Variants in PHC2 observed in about 807,000 individuals in gnomAD.
PHC2 encodes polyhomeotic-like protein 2.
Under a neutral mutation model 87.4 loss-of-function variants are expected in PHC2, and 29 were observed. That is an observed-to-expected ratio of 0.33 (90% CI 0.25 to 0.45). The LOEUF (loss-of-function observed/expected upper bound fraction) is 0.45, where lower values mean the gene tolerates loss of function less well. PHC2 is among the 20% of genes least tolerant of loss of function. The probability of loss-of-function intolerance (pLI) is 1.00; values close to 1 mark genes in which losing one functional copy is unlikely to be tolerated. For synonymous variants in PHC2, 438 were observed against 461.7 expected (o/e 0.95, Z 0.66); for missense variants, 857 against 1,136.7 (o/e 0.75, Z 3.54).
chr1:33,402,029 C>G (rs1171511236), intron 1 of PHC2, among the ~76,000 whole-genome samples: 1 of 151,924 alleles, frequency 6.6e-6, no homozygotes, highest in Non-Finnish European at 1.5e-5. Context: ...AATAACAAGC[C>G]TTACACTGAG....
chr1:33,419,971 T>C (rs370759874), intron 1 of PHC2, among the ~76,000 whole-genome samples: 1 of 151,974 alleles, frequency 6.6e-6, no homozygotes. Context: ...AACCCCCCCA[T>C]GTCAAGATCC....
At chr1:33,383,397 G>T (rs1028573622) in intron 1 of PHC2, among the ~76,000 whole-genome samples, 3 of 152,158 alleles carry the variant, frequency 2.0e-5, no homozygotes, top group Non-Finnish European at 4.4e-5. Context: ...AATTAAAGCT[G>T]GTCATATAGT....
chr1:33,393,589 A>G (rs913744529), intron 1 of PHC2, among the ~76,000 whole-genome samples: 1 of 151,700 alleles, frequency 6.6e-6, no homozygotes, highest in Non-Finnish European at 1.5e-5. Context: ...AACCATATGA[A>G]GTGGACTCAG....
chr1:33,341,286 C>T (rs548450809), intron 9 of PHC2, among the ~76,000 whole-genome samples: 1 of 152,358 alleles, frequency 6.6e-6, no homozygotes, highest in Admixed American at 6.5e-5. Flanking sequence ...GTGCTTTAGA[C>T]TTTTCCGGGT....
chr1:33,375,399 C>T lies in PHC2; in HGVS notation c.141G>A (p.Val47=), dbSNP rs1442750974. 1 of 1,609,098 alleles carries T rather than the reference C, an allele frequency of 6.2e-7. No homozygotes were observed. The highest frequency in any genetic ancestry group is 8.5e-7 in the Non-Finnish European group (1 of 1,177,534). The part of the protein sequence containing the change: ...SGRPTGPQIS[V]YSGIPDRQTV... ...TCTGCCGGTCTGGAATACCACTGTA[C>T]ACAGAAATCTGGGGCCCGGTGGGGC... Residue 47 remains valine (V), a synonymous_variant, in exon 2 of 15, where the codon GTG becomes GTA. Transcript: ENST00000683057.
chr1:33,342,185 G>A (rs954774454), intron 9 of PHC2, among the ~76,000 whole-genome samples: 5 of 152,224 alleles, frequency 3.3e-5, no homozygotes, highest in African/African-American at 1.2e-4. Flanking sequence ...GCCAAGCCAG[G>A]GGACCCTCCA....
intron 1 of PHC2, among the ~76,000 whole-genome samples, chr1:33,401,424 T>C (rs965451428): frequency 7.9e-5 from 12 of 152,342 alleles, no homozygotes; most frequent in African/African-American, 2.2e-4. Context: ...AATGTGAGAA[T>C]TGCCCTGATA....
intron 2 of PHC2, 27 bp downstream of exon 2, chr1:33,375,339 T>C (rs1007463363): frequency 6.6e-7 from 1 of 1,507,192 alleles, no homozygotes; most frequent in Non-Finnish European, 8.9e-7. Flanking sequence ...TTAAGGAGTA[T>C]AATTCCCAGA....
chr1:33,422,660 C>T (rs191154837), intron 1 of PHC2, among the ~76,000 whole-genome samples: 95 of 152,298 alleles, frequency 6.2e-4, no homozygotes, highest in African/African-American at 2.0e-3. Context: ...TTCATTTTCA[C>T]GGGCTTTAGT....
At chr1:33,429,296 C>G (rs1237548991) in intron 1 of PHC2, among the ~76,000 whole-genome samples, 1 of 152,158 alleles carries the variant, frequency 6.6e-6, no homozygotes, top group African/African-American at 2.4e-5. Flanking sequence ...AAAAATATCA[C>G]TGGACAACTG....
intron 1 of PHC2, among the ~76,000 whole-genome samples, chr1:33,425,908 C>A (rs916151440): frequency 2.6e-5 from 4 of 152,132 alleles, no homozygotes; most frequent in African/African-American, 9.7e-5. Flanking sequence ...ACACTCTGAA[C>A]GGGGATGAGA....
At position 33,349,110 on chromosome 1, in the gene PHC2, A is replaced by C. The variant is rs950297422; in HGVS notation, c.1558+5291T>G. ...CTTCTAAAAATGGAAGAAAAGACAC[A>C]GAACAGCTTGTCCCTTTCCATCCAA... On this transcript the variant is annotated intron_variant, in intron 9 of 14. Transcript: ENST00000683057. The surrounding 1 kb of genome is among the most constrained non-coding windows in gnomAD (Gnocchi z 4.2). 5.1e-6 allele frequency: 5 copies of C among 985,320 alleles called. No individual in the cohort carries two copies. Among genetic ancestry groups the C allele is most frequent in the South Asian group, 9.4e-5 (2 of 21,288 alleles). The allele number at this position is 985,320 out of a possible 1,614,324, so 61.0% of individuals were successfully genotyped here. A position where few individuals can be genotyped will look rare whatever the true frequency, so the allele number is the denominator to read the frequency against.
intron 1 of PHC2, among the ~76,000 whole-genome samples, chr1:33,403,123 C>CTTTTTTTT (rs34887101): frequency 2.7e-5 from 2 of 74,640 alleles, no homozygotes; most frequent in Non-Finnish European, 4.8e-5. Flanking sequence ...GCCCGGCCCA[C>CTTTTTTTT]TTTTTTTTTT....
intron 9 of PHC2, among the ~76,000 whole-genome samples, chr1:33,339,383 A>T (rs1465571057): frequency 6.6e-6 from 1 of 152,158 alleles, no homozygotes; most frequent in Non-Finnish European, 1.5e-5. Flanking sequence ...GAGAGCAGCT[A>T]GGCTGGTGGT....
chr1:33,357,989 G>A (rs1432233244), intron 7 of PHC2, among the ~76,000 whole-genome samples: 1 of 152,186 alleles, frequency 6.6e-6, no homozygotes, highest in Non-Finnish European at 1.5e-5. Flanking sequence ...CTTGCTGGCT[G>A]TGCGGCCTGA....
At chr1:33,401,381 AC>A (rs1404136389) in intron 1 of PHC2, among the ~76,000 whole-genome samples, 1 of 152,198 alleles carries the variant, frequency 6.6e-6, no homozygotes, top group Non-Finnish European at 1.5e-5. Context: ...AATGCAAAAG[AC>A]CAAGAATAGG....
intron 1 of PHC2, among the ~76,000 whole-genome samples, chr1:33,422,041 C>T (rs1296569404): frequency 8.5e-5 from 13 of 152,088 alleles, no homozygotes; most frequent in Admixed American, 8.5e-4. Flanking sequence ...CTGCAATGAC[C>T]CTCCTCAAAT....
chr1:33,345,709 C>T, intron 9 of PHC2: 1 of 984,680 alleles, frequency 1.0e-6, no homozygotes, highest in South Asian at 4.7e-5. Flanking sequence ...ACTTTTGTTA[C>T]TGATGGGGAA....
At chr1:33,340,546 G>C (rs532441802) in intron 9 of PHC2, among the ~76,000 whole-genome samples, 1 of 152,214 alleles carries the variant, frequency 6.6e-6, no homozygotes, top group Admixed American at 6.5e-5. Flanking sequence ...TGAGGACAGA[G>C]TGCCCAGTCC....
Sources: gnomAD v4.1 joint callset for allele counts (sites outside exome capture counted in the v4.1 genomes callset) on GRCh38, gnomAD v4.1.1 for gene constraint, Gnocchi (gnomAD v3.1) non-coding constraint, MANE v1.5 for transcripts, NCBI Gene and HGNC (gene_info 2026-07-23, HGNC 2026-07-21) for gene names.